The following DMC1 variants were observed in gnomAD, a reference collection of about 807,000 sequenced individuals.
DMC1 encodes DNA meiotic recombinase 1, also known as meiotic recombination protein DMC1 homolog.
DMC1 carries 27 observed loss-of-function variants against 50.1 expected under a neutral mutation model. The observed-to-expected ratio is 0.54, with a 90% CI of 0.40 to 0.74. DMC1 has a LOEUF of 0.74. Ranked by LOEUF, DMC1 falls within the 30% of genes least tolerant of loss-of-function variation. The pLI, the probability that DMC1 is intolerant of heterozygous loss-of-function variation, is 0.00. For synonymous variants in DMC1, 148 were observed against 136.1 expected (o/e 1.09, Z -0.61); for missense variants, 295 against 420.2 (o/e 0.70, Z 2.60).
downstream of DMC1, among the ~76,000 whole-genome samples, chr22:38,516,062 A>G (rs1035764220): frequency 6.6e-6 from 1 of 152,196 alleles, no homozygotes. Flanking sequence ...CTGGAAAGCC[A>G]TGGTCCTTTG....
intron 12 of DMC1, among the ~76,000 whole-genome samples, chr22:38,524,366 C>T (rs1000212795): frequency 1.3e-5 from 2 of 151,866 alleles, no homozygotes; most frequent in African/African-American, 2.4e-5. Flanking sequence ...GTGAGCTGAT[C>T]GCGCCACCGG....
At chr22:38,544,770 C>A (rs2090324799) in intron 8 of DMC1, among the ~76,000 whole-genome samples, 3 of 147,886 alleles carry the variant, frequency 2.0e-5, no homozygotes, top group African/African-American at 7.5e-5. Context: ...GGACTACAGG[C>A]ACGTGCCACC....
At position 38,547,545 on chromosome 22, in the gene DMC1, T is replaced by A. The variant is rs1005461181; in HGVS notation, c.494+2380A>T. Among the ~76,000 whole-genome samples the A allele has an allele frequency of 2.0e-5, 3 of 151,498 alleles. 1 individual carries two copies. Among genetic ancestry groups the A allele is most frequent in the Admixed American group, 2.0e-4 (3 of 15,204 alleles). On this transcript the variant is annotated intron_variant, in intron 8 of 13. Transcript: ENST00000216024. Reference sequence around the variant, plus strand: ...TATATTTTTTCTTCCTATTTGTTTTTGTTTTTTTTTTTGAGACGGAGTTTC... The same window carrying A: ...TATATTTTTTCTTCCTATTTGTTTTAGTTTTTTTTTTTGAGACGGAGTTTC...
At chr22:38,552,804 T>C in intron 6 of DMC1, 97 bp from the exon 7 acceptor site, 1 of 835,860 alleles carries the variant, frequency 1.2e-6, no homozygotes, top group South Asian at 1.5e-5. Flanking sequence ...TGTTTTCTTT[T>C]TCTTTTCCAA....
chr22:38,566,462 G>T, intron 4 of DMC1, 128 bp downstream of exon 4: 1 of 973,048 alleles, frequency 1.0e-6, no homozygotes, highest in Non-Finnish European at 1.6e-6. Flanking sequence ...AAGTTAACAT[G>T]GGGAGTATAA....
At chr22:38,538,148 A>C in intron 11 of DMC1, 147 bp downstream of exon 11, 1 of 716,794 alleles carries the variant, frequency 1.4e-6, no homozygotes, top group Non-Finnish European at 2.3e-6. Flanking sequence ...CATCTCAAAA[A>C]ACAAAAAAAA....
intron 11 of DMC1, among the ~76,000 whole-genome samples, chr22:38,537,940 C>T (rs942063363): frequency 6.6e-6 from 1 of 151,978 alleles, no homozygotes; most frequent in African/African-American, 2.4e-5. Flanking sequence ...GTCAGGAGCT[C>T]GAGACCAGCC....
intron 12 of DMC1, among the ~76,000 whole-genome samples, chr22:38,526,617 T>C (rs746623389): frequency 1.8e-4 from 28 of 152,052 alleles, no homozygotes; most frequent in Non-Finnish European, 3.5e-4. Context: ...ACAAAAATTT[T>C]TGTGTAAGTC....
intron 12 of DMC1, among the ~76,000 whole-genome samples, chr22:38,529,952 T>G (rs2090136296): frequency 6.6e-6 from 1 of 152,062 alleles, no homozygotes; most frequent in Admixed American, 6.6e-5. Flanking sequence ...AGAGAAAGAT[T>G]GAACTTGCCC....
intron 8 of DMC1, 57 bp from the exon 9 acceptor site, chr22:38,539,469 C>T: frequency 7.5e-7 from 1 of 1,325,310 alleles, no homozygotes; most frequent in Non-Finnish European, 1.1e-6. Context: ...GTTTAGACAA[C>T]CACTACAAAA....
chr22:38,543,252 C>T (rs765657320), intron 8 of DMC1, among the ~76,000 whole-genome samples: 30 of 140,740 alleles, frequency 2.1e-4, no homozygotes, highest in African/African-American at 6.6e-4. Context: ...TTTTTTGAGA[C>T]GGAGTCTCGC....
chr22:38,529,589 C>G (rs2090133293), intron 12 of DMC1, among the ~76,000 whole-genome samples: 1 of 152,008 alleles, frequency 6.6e-6, no homozygotes, highest in Non-Finnish European at 1.5e-5. Flanking sequence ...CTGGCAATGT[C>G]AAATTAGGAT....
chr22:38,547,817 G>A (rs1286758845), intron 8 of DMC1, among the ~76,000 whole-genome samples: 4 of 152,228 alleles, frequency 2.6e-5, no homozygotes, highest in Non-Finnish European at 4.4e-5. Flanking sequence ...GGGATTACAG[G>A]CGTGAGCCAC....
chr22:38,535,456 A>G (rs1015246965), intron 12 of DMC1, among the ~76,000 whole-genome samples: 1 of 152,082 alleles, frequency 6.6e-6, no homozygotes, highest in African/African-American at 2.4e-5. Flanking sequence ...GAGAGAAAAA[A>G]TGTGGCAAAT....
chr22:38,557,953 G>GTTTTTTTTTTTTTTTTTTTTTT (rs1555940699), intron 5 of DMC1, among the ~76,000 whole-genome samples: 3 of 94,976 alleles, frequency 3.2e-5, no homozygotes, highest in Non-Finnish European at 4.3e-5. Flanking sequence ...ATTAGACAAA[G>GTTTTTTTTTTTTTTTTTTTTTT]TTCTTTTTTT....
chr22:38,519,734 G>GA lies in DMC1; in HGVS notation c.*285dup. 2.6e-6 allele frequency: 1 copy of GA among 383,838 alleles called. No individual in the cohort carries two copies. The highest frequency in any genetic ancestry group is 6.0e-5 in the East Asian group (1 of 16,532). 23.8% of individuals were successfully genotyped at this position (383,838 alleles called of 1,614,324 possible). ...ATAGGTATATATACATACACAGAGT[G>GA]AGAGAATTTCAATAGGTATATATAT... On this transcript the variant is annotated 3_prime_UTR_variant, in exon 14 of 14. Coordinates refer to ENST00000216024, the MANE Select transcript of DMC1 (RefSeq NM_007068.4).
chr22:38,562,417 G>A (rs1216628154), intron 4 of DMC1, 48 bp from the exon 5 acceptor site: 3 of 1,357,398 alleles, frequency 2.2e-6, no homozygotes, highest in Admixed American at 3.4e-5. Context: ...AAAGATCATG[G>A]TTGTATTTTC....
intron 8 of DMC1, among the ~76,000 whole-genome samples, chr22:38,539,801 T>A (rs987578123): frequency 6.6e-6 from 1 of 152,218 alleles, no homozygotes; most frequent in Non-Finnish European, 1.5e-5. Context: ...AACTAGGAAC[T>A]AAGCTTTGTG....
chr22:38,557,533 C>A (rs2090479977), intron 5 of DMC1, among the ~76,000 whole-genome samples: 1 of 152,114 alleles, frequency 6.6e-6, no homozygotes, highest in Non-Finnish European at 1.5e-5. Flanking sequence ...TGGCGAAACC[C>A]AGTCTCTACA....
Sources: allele counts gnomAD v4.1 joint callset (sites outside exome capture counted in the v4.1 genomes callset), GRCh38; gene constraint gnomAD v4.1.1; transcripts MANE v1.5; gene names NCBI Gene and HGNC (gene_info 2026-07-23, HGNC 2026-07-21).